CTCF: variants seen among roughly 807,000 people sequenced by gnomAD.
The protein encoded by CTCF is CCCTC-binding factor.
In CTCF, 7 loss-of-function variants were observed where a neutral mutation model predicts 72.3. That is an observed-to-expected ratio of 0.10 (90% CI 0.06 to 0.18). CTCF has a LOEUF of 0.18. Among genes scored for constraint, CTCF ranks in the 10% least tolerant of loss-of-function variants. The probability of loss-of-function intolerance (pLI) is 1.00; values close to 1 mark genes in which losing one functional copy is unlikely to be tolerated. For missense variants in CTCF, 516 were observed against 949.1 expected (o/e 0.54, Z 6.00); for synonymous variants, 374 against 315.8 (o/e 1.18, Z -1.95).
chr16:67,564,281 T>TA (rs1328924927), intron 1 of CTCF, among the ~76,000 whole-genome samples: 2 of 152,270 alleles, frequency 1.3e-5, no homozygotes. Flanking sequence ...TTGCAGCAGT[T>TA]AATGTATCAG....
intron 1 of CTCF, among the ~76,000 whole-genome samples, chr16:67,565,510 T>C (rs1379671723): frequency 6.6e-6 from 1 of 151,222 alleles, no homozygotes; most frequent in East Asian, 2.0e-4. Flanking sequence ...CTGTCTCTAC[T>C]AAAAATACAA....
In CTCF at chr16:67,578,365, A is replaced by T. The variant is rs1195667686; in HGVS notation, c.-10+7101A>T. On this transcript the variant is annotated intron_variant, in intron 2 of 11. Coordinates refer to ENST00000264010, the MANE Select transcript of CTCF (RefSeq NM_006565.4). ...TTTTTTTTTTTGAGACAGGGTTTTC[A>T]CTCTGTTGCCCAGGCTGGAGTGAGA... Among the ~76,000 whole-genome samples, 13 of 108,558 alleles carry T rather than the reference A, an allele frequency of 1.2e-4. No individual in the cohort carries two copies. In the East Asian group the frequency reaches 3.2e-3, roughly 27 times the overall value. The allele number at this position is 108,558 out of a possible 152,430, so 71.2% of individuals were successfully genotyped here.
At chr16:67,610,085 A>G (rs1363469819) in intron 2 of CTCF, among the ~76,000 whole-genome samples, 2 of 152,180 alleles carry the variant, frequency 1.3e-5, no homozygotes, top group Non-Finnish European at 2.9e-5. Context: ...AAGTCACCCC[A>G]GGCTGAGAAC....
intron 2 of CTCF, among the ~76,000 whole-genome samples, chr16:67,575,473 T>G (rs1306903764): frequency 1.3e-5 from 2 of 151,628 alleles, no homozygotes; most frequent in Non-Finnish European, 2.9e-5. Context: ...AGAGATGGAG[T>G]CTCGCTCTGT....
Position 67,638,224 on chromosome 16 carries a change from GTCT to G in CTCF, c.*358_*360del, listed in dbSNP as rs778642613. 1.2e-4 allele frequency: 33 copies of G among 272,982 alleles called. No individual in the cohort carries two copies. Among genetic ancestry groups the G allele is most frequent in the South Asian group, 8.9e-4 (6 of 6,760 alleles). The allele number at this position is 272,982 out of a possible 1,614,324, so 16.9% of individuals were successfully genotyped here. A position where few individuals can be genotyped will look rare whatever the true frequency, so the allele number is the denominator to read the frequency against. On this transcript the variant is annotated 3_prime_UTR_variant, in exon 12 of 12. Transcript: ENST00000264010. ...CCACCAGGCTTCCCAGAGTTCTATGGTCTTCTTCCCAAGAGAGTTTTTAATTGT... is the reference window on the plus strand; with the variant it reads ...CCACCAGGCTTCCCAGAGTTCTATGGTCTTCCCAAGAGAGTTTTTAATTGT...
chr16:67,563,988 T>G (rs1277984770), intron 1 of CTCF: 1 of 152,212 alleles, frequency 6.6e-6, no homozygotes, highest in African/African-American at 2.4e-5. Context: ...GCAGATGGTT[T>G]ATAAATATCT....
intron 4 of CTCF, 27 bp from the exon 5 acceptor site, chr16:67,616,718 C>A (rs750416901): frequency 1.2e-6 from 2 of 1,613,422 alleles, no homozygotes; most frequent in Non-Finnish European, 1.7e-6. Flanking sequence ...TGATCTTGCT[C>A]TTCCTGTTAC....
intron 8 of CTCF, 84 bp from the exon 9 acceptor site, chr16:67,628,286 C>A: frequency 7.9e-7 from 1 of 1,271,950 alleles, no homozygotes; most frequent in East Asian, 2.4e-5. Context: ...TGAGAAATAC[C>A]TGTTGGCCAC....
intron 2 of CTCF, among the ~76,000 whole-genome samples, chr16:67,600,809 AGGTGATTTTCGTAATCT>A (rs1273457948): frequency 2.0e-5 from 3 of 152,150 alleles, no homozygotes; most frequent in African/African-American, 7.2e-5. Context: ...TCAGAATATT[AGGTGATTTTCGTAATCT>A]GGAGGAAAAA....
chr16:67,619,486 G>A (rs182367295), intron 5 of CTCF, among the ~76,000 whole-genome samples: 2 of 151,938 alleles, frequency 1.3e-5, no homozygotes, highest in East Asian at 3.9e-4. Context: ...GTGTTTTTTT[G>A]TTTTTTGTTT....
At chr16:67,588,262 C>G (rs2051694962) in intron 2 of CTCF, among the ~76,000 whole-genome samples, 1 of 152,162 alleles carries the variant, frequency 6.6e-6, no homozygotes, top group African/African-American at 2.4e-5. Flanking sequence ...TGTGTAAATC[C>G]TGCATTATGT....
At chr16:67,580,849 C>A (rs1371593880) in intron 2 of CTCF, among the ~76,000 whole-genome samples, 3 of 150,564 alleles carry the variant, frequency 2.0e-5, no homozygotes, top group Non-Finnish European at 4.4e-5. Flanking sequence ...CTCCTGACCT[C>A]AGGTGATCCA....
chr16:67,601,252 G>GTGTGTGTGTGTGTGTTT (rs201556166), intron 2 of CTCF, among the ~76,000 whole-genome samples: 1 of 137,042 alleles, frequency 7.3e-6, no homozygotes, highest in East Asian at 2.1e-4. Flanking sequence ...GTGTGTGTGT[G>GTGTGTGTGTGTGTGTTT]TGTTTTGTTT....
intron 2 of CTCF, among the ~76,000 whole-genome samples, chr16:67,588,697 A>T (rs1021727658): frequency 6.6e-6 from 1 of 151,772 alleles, no homozygotes; most frequent in Non-Finnish European, 1.5e-5. Context: ...AATAATATAT[A>T]TTTTTTTGAT....
intron 1 of CTCF, among the ~76,000 whole-genome samples, chr16:67,565,720 C>A (rs1046526956): frequency 6.6e-6 from 1 of 150,386 alleles, no homozygotes; most frequent in African/African-American, 2.5e-5. Context: ...TTAACTTTAT[C>A]GGGATCCATT....
chr16:67,602,548 T>C (rs1236312169), intron 2 of CTCF, among the ~76,000 whole-genome samples: 2 of 152,142 alleles, frequency 1.3e-5, no homozygotes, highest in Non-Finnish European at 2.9e-5. Context: ...TCTTAAAAAG[T>C]TTTTTTCTGG....
intron 1 of CTCF, among the ~76,000 whole-genome samples, chr16:67,563,016 C>T (rs1365327390): frequency 1.3e-5 from 2 of 149,924 alleles, no homozygotes; most frequent in Non-Finnish European, 3.0e-5. Context: ...CCCGGCGACT[C>T]CATTTTCCTT....
intron 2 of CTCF, among the ~76,000 whole-genome samples, chr16:67,599,446 C>G (rs2051858585): frequency 6.6e-6 from 1 of 152,054 alleles, no homozygotes; most frequent in Admixed American, 6.6e-5. Context: ...TCCATGCCCC[C>G]TAAGGATACA....
chr16:67,629,522 C>G lies in CTCF; in HGVS notation c.1826C>G (p.Ser609Cys), dbSNP rs2052334460. The change falls in exon 10 of 12, where the codon TCC becomes TGC. Residue 609 changes from serine to cysteine, a missense_variant. Transcript: ENST00000264010. ...KRKMRSKKED[S>C]SDSENAEPDL... The stretch of plus-strand genomic sequence containing the variant: ...AAGATGCGCTCTAAGAAAGAAGATT[C>G]CTCTGACAGTGGTAAGTGACTTGTT... 2 of 1,612,618 alleles carry G rather than the reference C, an allele frequency of 1.2e-6. No individual in the cohort carries two copies. The highest frequency in any genetic ancestry group is 1.7e-6 in the Non-Finnish European group (2 of 1,179,604).
Sources: gnomAD v4.1 joint callset for allele counts (sites outside exome capture counted in the v4.1 genomes callset) on GRCh38, gnomAD v4.1.1 for gene constraint, MANE v1.5 for transcripts, NCBI Gene and HGNC (gene_info 2026-07-23, HGNC 2026-07-21) for gene names.